The following PCSK2 variants were observed in gnomAD, a reference collection of about 807,000 sequenced individuals.
PCSK2 encodes proprotein convertase subtilisin/kexin type 2, also known as neuroendocrine convertase 2.
PCSK2 carries 14 observed loss-of-function variants against 69.7 expected under a neutral mutation model. That is an observed-to-expected ratio of 0.20 (90% confidence interval 0.13 to 0.31). The LOEUF is 0.31. Among genes scored for constraint, PCSK2 ranks in the 10% least tolerant of loss-of-function variants. The pLI is 1.00. For synonymous variants in PCSK2, 307 were observed against 320.7 expected, an observed-to-expected ratio of 0.96 and a Z score of 0.46; for missense variants, 544 against 842.5, an observed-to-expected ratio of 0.65 and a Z score of 4.39.
chr20:17,298,482 G>A (rs1988969677), intron 2 of PCSK2, among the ~76,000 whole-genome samples: 1 of 152,158 alleles, frequency 6.6e-6, no homozygotes, highest in Admixed American at 6.5e-5. Context: ...ACAATGCACA[G>A]GACAGAGTCC....
chr20:17,372,385 TAATAAATAAATAAATA>T (rs58399065), intron 5 of PCSK2, among the ~76,000 whole-genome samples: 4,905 of 141,924 alleles, frequency 0.035, 166 homozygotes, highest in African/African-American at 0.091. Flanking sequence ...TCTTGAAAAA[TAATAAATAAATAAATA>T]AATAAATAAA....
At chr20:17,270,391 A>G (rs1216526430) in intron 2 of PCSK2, among the ~76,000 whole-genome samples, 2 of 152,122 alleles carry the variant, frequency 1.3e-5, no homozygotes, top group Non-Finnish European at 2.9e-5. Context: ...GTAATTTCAA[A>G]GCTTTATGGG....
intron 11 of PCSK2, among the ~76,000 whole-genome samples, chr20:17,466,955 C>T (rs1482185466): frequency 2.0e-5 from 3 of 152,182 alleles, no homozygotes; most frequent in Non-Finnish European, 4.4e-5. Flanking sequence ...CATGTGTAGT[C>T]GTAGCTCATT....
At chr20:17,475,708 T>C (rs1440311032) in intron 11 of PCSK2, among the ~76,000 whole-genome samples, 2 of 152,180 alleles carry the variant, frequency 1.3e-5, no homozygotes, top group Non-Finnish European at 2.9e-5. Context: ...TGGGTGCAAA[T>C]TGGGACAGAA....
chr20:17,483,843 T>C lies in PCSK2; in HGVS notation c.*1773T>C, dbSNP rs968611297. On this transcript the variant is annotated 3_prime_UTR_variant, in exon 12 of 12. Coordinates refer to ENST00000262545, the MANE Select transcript of PCSK2 (RefSeq NM_002594.5). ...TCATCGAAAATTCATTTCACATTAA[T>C]GGTCTAAAAATAAACCAAAGGACAT... is the stretch of plus-strand genomic sequence containing the variant. The C allele has an allele frequency of 3.3e-5, 5 of 152,646 alleles. No homozygotes were observed. Among genetic ancestry groups the C allele is most frequent in the African/African-American group, 1.2e-4 (5 of 41,464 alleles). The allele number at this position is 152,646 out of a possible 1,614,324, so 9.5% of individuals were successfully genotyped here.
intron 1 of PCSK2, among the ~76,000 whole-genome samples, chr20:17,234,711 G>C (rs1986267357): frequency 6.6e-6 from 1 of 152,132 alleles, no homozygotes; most frequent in South Asian, 2.1e-4. Flanking sequence ...TTCTATTTCA[G>C]AAGGTCTTAT....
intron 2 of PCSK2, among the ~76,000 whole-genome samples, chr20:17,297,417 C>CT (rs2123079820): frequency 1.3e-5 from 2 of 152,316 alleles, no homozygotes; most frequent in African/African-American, 4.8e-5. Context: ...GCAGAGAGAG[C>CT]TATGCATCCT....
chr20:17,405,889 C>T (rs188976997), intron 5 of PCSK2, among the ~76,000 whole-genome samples: 1 of 152,194 alleles, frequency 6.6e-6, no homozygotes, highest in Non-Finnish European at 1.5e-5. Flanking sequence ...ATCAACCCAA[C>T]CTTCTCACTT....
intron 2 of PCSK2, among the ~76,000 whole-genome samples, chr20:17,352,453 G>T (rs967612798): frequency 6.6e-6 from 1 of 152,062 alleles, no homozygotes; most frequent in East Asian, 1.9e-4. Flanking sequence ...ATATTATATT[G>T]TAAGCCTACA....
At chr20:17,328,491 A>C (rs904214941) in intron 2 of PCSK2, among the ~76,000 whole-genome samples, 1 of 150,874 alleles carries the variant, frequency 6.6e-6, no homozygotes, top group Admixed American at 6.6e-5. Flanking sequence ...TATATATTAA[A>C]ATACATAGAC....
chr20:17,350,809 G>A lies in PCSK2; in HGVS notation c.283-7518G>A, dbSNP rs184665608. Among the ~76,000 whole-genome samples the A allele has an allele frequency of 3.3e-3, 497 of 152,230 alleles. 5 individuals carry two copies. The highest frequency in any genetic ancestry group is 0.011 in the African/African-American group (466 of 41,538). ...TGTAATCCCAGCACTTTGGGAGGCC[G>A]AGGCGGGTGGATCACCTGAGGTCAG... On this transcript the variant is annotated intron_variant, in intron 2 of 11. Coordinates refer to ENST00000262545, the MANE Select transcript of PCSK2 (RefSeq NM_002594.5).
At chr20:17,417,201 A>T (rs768537702) in intron 6 of PCSK2, among the ~76,000 whole-genome samples, 2 of 152,222 alleles carry the variant, frequency 1.3e-5, no homozygotes, top group Non-Finnish European at 2.9e-5. Context: ...AAAACTAAAA[A>T]CACTAAGGAA....
At chr20:17,244,112 T>C (rs1986686439) in intron 1 of PCSK2, among the ~76,000 whole-genome samples, 2 of 152,218 alleles carry the variant, frequency 1.3e-5, no homozygotes, top group African/African-American at 4.8e-5. Flanking sequence ...ATCTACAACT[T>C]ATTCTCAAAT....
At chr20:17,354,923 T>C (rs2030142229) in intron 2 of PCSK2, among the ~76,000 whole-genome samples, 1 of 152,190 alleles carries the variant, frequency 6.6e-6, no homozygotes, top group Non-Finnish European at 1.5e-5. Flanking sequence ...TTTCCAGTTA[T>C]TTGTGTGTAA....
intron 2 of PCSK2, among the ~76,000 whole-genome samples, chr20:17,353,006 C>T (rs1371731278): frequency 6.6e-6 from 1 of 151,910 alleles, no homozygotes; most frequent in Non-Finnish European, 1.5e-5. Flanking sequence ...AAAAAAAATC[C>T]CTATTTTAAA....
At chr20:17,226,793 G>A (rs1248162504), upstream of PCSK2, among the ~76,000 whole-genome samples, 3 of 146,288 alleles carry the variant, frequency 2.1e-5, no homozygotes, top group Non-Finnish European at 4.5e-5. Flanking sequence ...GCGGGGGCGC[G>A]GGCTCGCTGC....
At chr20:17,476,648 A>G (rs537813533) in intron 11 of PCSK2, among the ~76,000 whole-genome samples, 1 of 152,366 alleles carries the variant, frequency 6.6e-6, no homozygotes, top group South Asian at 2.1e-4. Context: ...GCAACTGTTC[A>G]GGGCAGGAAT....
At chr20:17,371,948 T>C (rs1173363700) in intron 5 of PCSK2, among the ~76,000 whole-genome samples, 4 of 152,114 alleles carry the variant, frequency 2.6e-5, no homozygotes, top group African/African-American at 9.7e-5. Context: ...GAAAAGCTTT[T>C]CCTGGAAAAA....
At chr20:17,264,937 C>T (rs573435211) in intron 2 of PCSK2, among the ~76,000 whole-genome samples, 17 of 152,132 alleles carry the variant, frequency 1.1e-4, no homozygotes, top group Admixed American at 9.8e-4. Context: ...GATCTCAGCT[C>T]ACTGCAAGCT....
Sources: allele counts gnomAD v4.1 joint callset (sites outside exome capture counted in the v4.1 genomes callset), GRCh38; gene constraint gnomAD v4.1.1; transcripts MANE v1.5; gene names NCBI Gene and HGNC (gene_info 2026-07-23, HGNC 2026-07-21).